The following SV2C variants were observed in gnomAD, a reference collection of about 807,000 sequenced individuals.
SV2C encodes the protein synaptic vesicle glycoprotein 2C.
A neutral mutation model predicts 79.7 loss-of-function variants in SV2C; 49 were observed. The observed-to-expected ratio is 0.61, with a 90% CI of 0.49 to 0.78. The LOEUF (loss-of-function observed/expected upper bound fraction) is 0.78. Ranked by LOEUF, SV2C falls within the 30% of genes least tolerant of loss-of-function variation. SV2C has a pLI of 0.00. For missense variants in SV2C, 833 were observed against 912.9 expected (o/e 0.91, Z 1.13); for synonymous variants, 334 against 333.2 (o/e 1.00, Z -0.03).
chr5:75,865,060 G>A, the SV2C span, among the ~76,000 whole-genome samples: 2 of 152,306 alleles, frequency 1.3e-5, no homozygotes, highest in South Asian at 2.1e-4. Flanking sequence ...GCAAGGCTGT[G>A]CCATCTGCAG....
At chr5:76,312,263 T>TGG (rs35414870) in intron 12 of SV2C, among the ~76,000 whole-genome samples, 3 of 144,936 alleles carry the variant, frequency 2.1e-5, no homozygotes, top group East Asian at 2.0e-4. Flanking sequence ...TTTTTTTTTT[T>TGG]GGGGGGGGGG....
chr5:76,202,221 A>AT (rs1346765044), intron 3 of SV2C, among the ~76,000 whole-genome samples: 1 of 152,148 alleles, frequency 6.6e-6, no homozygotes, highest in Non-Finnish European at 1.5e-5. Context: ...TTTAAAATGT[A>AT]TTTTATCAAA....
At chr5:75,939,154 G>C in the SV2C span, among the ~76,000 whole-genome samples, 1 of 152,122 alleles carries the variant, frequency 6.6e-6, no homozygotes, top group Non-Finnish European at 1.5e-5. Context: ...CCAGCCTCCT[G>C]GTTTTTCAGC....
the SV2C span, among the ~76,000 whole-genome samples, chr5:75,892,558 G>T: frequency 6.6e-6 from 1 of 151,944 alleles, no homozygotes; most frequent in Non-Finnish European, 1.5e-5. Flanking sequence ...GTACCCAGTA[G>T]GTAGGATTTC....
intron 4 of SV2C, among the ~76,000 whole-genome samples, chr5:76,261,794 G>A (rs1025382924): frequency 1.3e-5 from 2 of 152,156 alleles, no homozygotes; most frequent in African/African-American, 2.4e-5. Context: ...GGATGAAGCC[G>A]ACTTGATCGT....
downstream of SV2C, among the ~76,000 whole-genome samples, chr5:76,335,615 T>G (rs1749301284): frequency 6.6e-6 from 1 of 151,908 alleles, no homozygotes; most frequent in South Asian, 2.1e-4. Flanking sequence ...TAGGGAGTGG[T>G]GATGACTCTT....
At chr5:75,920,676 A>C in the SV2C span, 1 of 705,690 alleles carries the variant, frequency 1.4e-6, no homozygotes, top group South Asian at 1.6e-5. Flanking sequence ...TCACTCCTGC[A>C]GCTCCTTCAT....
At chr5:76,085,178 C>T (rs970296978) in intron 1 of SV2C, among the ~76,000 whole-genome samples, 2 of 152,172 alleles carry the variant, frequency 1.3e-5, no homozygotes, top group Non-Finnish European at 2.9e-5. Flanking sequence ...GCCTCGTGCT[C>T]GTGGGAAGTT....
intron 4 of SV2C, among the ~76,000 whole-genome samples, chr5:76,251,543 CCT>C (rs1746118053): frequency 6.6e-6 from 1 of 151,980 alleles, no homozygotes; most frequent in African/African-American, 2.4e-5. Flanking sequence ...AGTGTGAGAC[CCT>C]GTCTCAAAAA....
chr5:76,137,266 A>C (rs1749098915), intron 2 of SV2C, among the ~76,000 whole-genome samples: 1 of 152,262 alleles, frequency 6.6e-6, no homozygotes, highest in Non-Finnish European at 1.5e-5. Flanking sequence ...AGGCTAATGC[A>C]ATAGCCCAGG....
chr5:76,276,976 A>G (rs1275567460), intron 4 of SV2C, among the ~76,000 whole-genome samples: 1 of 152,236 alleles, frequency 6.6e-6, no homozygotes, highest in Non-Finnish European at 1.5e-5. Flanking sequence ...GCACTAAAGT[A>G]GGAATGAATG....
chr5:76,046,269 C>T, the SV2C span, among the ~76,000 whole-genome samples: 1 of 151,514 alleles, frequency 6.6e-6, no homozygotes, highest in Admixed American at 6.6e-5. Context: ...CCAAAGGCCA[C>T]CCCATCACTG....
intron 3 of SV2C, among the ~76,000 whole-genome samples, chr5:76,207,304 T>C (rs890574171): frequency 1.3e-5 from 2 of 152,216 alleles, no homozygotes; most frequent in Non-Finnish European, 2.9e-5. Flanking sequence ...TCCAGAGTCC[T>C]GATGAAACAT....
the SV2C span, among the ~76,000 whole-genome samples, chr5:75,888,786 G>A: frequency 6.6e-6 from 1 of 152,056 alleles, no homozygotes; most frequent in African/African-American, 2.4e-5. Context: ...GGGGTGGCCT[G>A]TTTCCGTGTT....
chr5:75,943,258 C>T, the SV2C span, among the ~76,000 whole-genome samples: 1 of 152,292 alleles, frequency 6.6e-6, no homozygotes, highest in Non-Finnish European at 1.5e-5. Flanking sequence ...AAATTAGATA[C>T]TGTTTAAACT....
the SV2C span, among the ~76,000 whole-genome samples, chr5:76,001,701 T>C: frequency 6.6e-6 from 1 of 152,218 alleles, no homozygotes. Flanking sequence ...TGGCAGATGT[T>C]GGTAGAAATA....
chr5:76,216,839 G>A (rs1017233150), intron 4 of SV2C, among the ~76,000 whole-genome samples: 2 of 152,170 alleles, frequency 1.3e-5, no homozygotes, highest in Non-Finnish European at 2.9e-5. Flanking sequence ...ACAGAGAGCT[G>A]AATCACAGGC....
the SV2C span, among the ~76,000 whole-genome samples, chr5:76,016,646 G>A: frequency 1.3e-5 from 2 of 152,184 alleles, no homozygotes; most frequent in Admixed American, 6.5e-5. Flanking sequence ...GGGTTTGTGT[G>A]ATGATGTAAT....
At chr5:76,008,678 C>A in the SV2C span, among the ~76,000 whole-genome samples, 1 of 152,144 alleles carries the variant, frequency 6.6e-6, no homozygotes, top group South Asian at 2.1e-4. Context: ...CAGGAGCCTA[C>A]CATGAGACCA....
Sources: gnomAD v4.1 joint callset for allele counts (sites outside exome capture counted in the v4.1 genomes callset) on GRCh38, gnomAD v4.1.1 for gene constraint, MANE v1.5 for transcripts, NCBI Gene and HGNC (gene_info 2026-07-23, HGNC 2026-07-21) for gene names.